The following RORA variants were observed in gnomAD, a reference collection of about 807,000 sequenced individuals.
The protein encoded by RORA is RAR related orphan receptor A.
RORA carries 7 observed loss-of-function variants against 69.5 expected under a neutral mutation model. The ratio of observed to expected loss-of-function variants is 0.10; its 90% CI spans 0.06 to 0.19. The LOEUF (loss-of-function observed/expected upper bound fraction) is 0.19. Ranked by LOEUF, RORA falls within the 10% of genes least tolerant of loss-of-function variation. The pLI is 1.00. For synonymous variants in RORA, 261 were observed against 240.8 expected (o/e 1.08, Z -0.78); for missense variants, 457 against 663.0 (o/e 0.69, Z 3.41).
At chr15:60,918,247 G>A (rs1891938718) in intron 1 of RORA, among the ~76,000 whole-genome samples, 1 of 152,216 alleles carries the variant, frequency 6.6e-6, no homozygotes, top group African/African-American at 2.4e-5. Context: ...GGAACCATGA[G>A]AAAACAAAGA....
intron 1 of RORA, among the ~76,000 whole-genome samples, chr15:61,186,541 T>C (rs549929106): frequency 5.4e-5 from 8 of 148,796 alleles, no homozygotes; most frequent in Non-Finnish European, 1.2e-4. Flanking sequence ...CTCAGGATGT[T>C]GAGGCAGGAG....
chr15:60,711,418 T>C (rs2071142481), intron 1 of RORA, among the ~76,000 whole-genome samples: 2 of 152,200 alleles, frequency 1.3e-5, no homozygotes, highest in South Asian at 4.1e-4. Context: ...TATCAAAAAG[T>C]TGCCTACAGT....
chr15:61,117,731 T>C (rs1313787637), intron 1 of RORA, among the ~76,000 whole-genome samples: 1 of 152,248 alleles, frequency 6.6e-6, no homozygotes, highest in Non-Finnish European at 1.5e-5. Context: ...GATTAGTTAC[T>C]GTACTGGAGC....
intron 1 of RORA, among the ~76,000 whole-genome samples, chr15:61,142,663 C>T (rs934854688): frequency 6.6e-6 from 1 of 152,112 alleles, no homozygotes; most frequent in Non-Finnish European, 1.5e-5. Context: ...GATACCACCA[C>T]CAAATAGAGC....
chr15:60,688,356 G>C (rs1441774032), intron 1 of RORA, among the ~76,000 whole-genome samples: 2 of 151,986 alleles, frequency 1.3e-5, no homozygotes, highest in Non-Finnish European at 2.9e-5. Flanking sequence ...ATTTTTCTTT[G>C]TCTATGTTTT....
At chr15:60,762,711 T>A (rs528355909) in intron 1 of RORA, among the ~76,000 whole-genome samples, 48 of 152,338 alleles carry the variant, frequency 3.2e-4, no homozygotes, top group African/African-American at 1.1e-3. Flanking sequence ...CTACATTTTC[T>A]TACAAGTTCA....
rs573267041 is a variant in RORA, at chr15:60,689,785, T to G, written c.167-11099A>C. 3.4e-4 allele frequency among the ~76,000 whole-genome samples: 52 copies of G among 152,216 alleles called. 1 individual carries two copies. In the East Asian group the frequency reaches 9.8e-3, roughly 29 times the overall value. ...GGCCACATGCAGATGGAGGAGGGAT[T>G]GGAGTGACATAGCTATAAGCTCAAG... is the stretch of plus-strand genomic sequence containing the variant. On this transcript the variant is annotated intron_variant, in intron 1 of 10. Transcript: ENST00000335670.
chr15:61,165,171 T>C (rs111934465), intron 1 of RORA, among the ~76,000 whole-genome samples: 15 of 152,348 alleles, frequency 9.8e-5, no homozygotes, highest in African/African-American at 3.6e-4. Context: ...TCCTGCTGCC[T>C]CAACACAGGG....
intron 1 of RORA, chr15:60,764,772 C>T (rs373365235): frequency 1.3e-5 from 2 of 152,336 alleles, no homozygotes; most frequent in South Asian, 2.1e-4. Context: ...AGCTCGGCTT[C>T]GACGCCCCTG....
At chr15:61,189,484 C>G (rs1165143725) in intron 1 of RORA, among the ~76,000 whole-genome samples, 2 of 152,054 alleles carry the variant, frequency 1.3e-5, no homozygotes, top group African/African-American at 4.8e-5. Context: ...GGAGAAGGAG[C>G]CCTGTGGGGC....
chr15:60,577,180 GCTTT>G (rs1457730972), intron 2 of RORA, among the ~76,000 whole-genome samples: 2 of 152,192 alleles, frequency 1.3e-5, no homozygotes, highest in Non-Finnish European at 2.9e-5. Flanking sequence ...GTTTGAAAGT[GCTTT>G]CTTTAATATA....
chr15:60,844,162 G>A (rs1416621984), intron 1 of RORA, among the ~76,000 whole-genome samples: 1 of 152,064 alleles, frequency 6.6e-6, no homozygotes, highest in East Asian at 1.9e-4. Context: ...TCTGTTCCTG[G>A]CACCTCTCTG....
intron 2 of RORA, among the ~76,000 whole-genome samples, chr15:60,580,757 C>T (rs1196865734): frequency 6.6e-6 from 1 of 152,232 alleles, no homozygotes; most frequent in Non-Finnish European, 1.5e-5. Context: ...AGTGCACTTC[C>T]TTTGTCTTGT....
chr15:60,543,763 A>G (rs1322934987), intron 2 of RORA, among the ~76,000 whole-genome samples: 4 of 152,086 alleles, frequency 2.6e-5, no homozygotes, highest in Non-Finnish European at 4.4e-5. Flanking sequence ...ATCACTGTCT[A>G]TCTTTTAAGG....
chr15:60,632,361 C>T (rs1233288127), intron 2 of RORA, among the ~76,000 whole-genome samples: 2 of 152,104 alleles, frequency 1.3e-5, no homozygotes, highest in Non-Finnish European at 2.9e-5. Flanking sequence ...CCCGCCTCGG[C>T]CTCCCAAAGT....
At chr15:61,087,623 G>C (rs2140689071) in intron 1 of RORA, among the ~76,000 whole-genome samples, 1 of 152,322 alleles carries the variant, frequency 6.6e-6, no homozygotes. Context: ...GGACAAATGA[G>C]GTCTTGAGAA....
At chr15:61,029,899 G>C (rs1440585107) in intron 1 of RORA, among the ~76,000 whole-genome samples, 1 of 152,120 alleles carries the variant, frequency 6.6e-6, no homozygotes, top group Non-Finnish European at 1.5e-5. Flanking sequence ...AGAGGCCTGG[G>C]CTTGAGATGG....
chr15:60,713,887 C>T (rs967214407), intron 1 of RORA, among the ~76,000 whole-genome samples: 1 of 152,232 alleles, frequency 6.6e-6, no homozygotes, highest in Non-Finnish European at 1.5e-5. Flanking sequence ...CAGCTGCCAA[C>T]TGGCAGACTG....
chr15:60,616,253 G>A (rs2069240467), intron 2 of RORA, among the ~76,000 whole-genome samples: 2 of 152,110 alleles, frequency 1.3e-5, no homozygotes, highest in African/African-American at 4.8e-5. Context: ...TAAAAGTGTT[G>A]ATCAAATCCC....
Sources: gnomAD v4.1 joint callset for allele counts (sites outside exome capture counted in the v4.1 genomes callset) on GRCh38, gnomAD v4.1.1 for gene constraint, MANE v1.5 for transcripts, NCBI Gene and HGNC (gene_info 2026-07-23, HGNC 2026-07-21) for gene names.